Variants in KIF13B observed in about 807,000 individuals in gnomAD.
KIF13B encodes kinesin family member 13B.
Under a neutral mutation model 222.0 loss-of-function variants are expected in KIF13B, and 127 were observed. The observed-to-expected ratio is 0.57, with a 90% confidence interval of 0.50 to 0.66. KIF13B has a LOEUF of 0.66. Among genes scored for constraint, KIF13B ranks in the 30% least tolerant of loss-of-function variants. The probability of loss-of-function intolerance (pLI) is 0.00; values close to 1 mark genes in which losing one functional copy is unlikely to be tolerated. For missense variants in KIF13B, 2,173 were observed against 2,379.0 expected, an observed-to-expected ratio of 0.91 and a Z score of 1.80; for synonymous variants, 976 against 919.0, an observed-to-expected ratio of 1.06 and a Z score of -1.12.
At chr8:29,179,681 G>A (rs945716883) in intron 8 of KIF13B, among the ~76,000 whole-genome samples, 1 of 152,176 alleles carries the variant, frequency 6.6e-6, no homozygotes, top group Non-Finnish European at 1.5e-5. Flanking sequence ...GCGGGACTGG[G>A]GAAATGCAAG....
chr8:29,198,553 T>A (rs191116414), intron 2 of KIF13B, among the ~76,000 whole-genome samples: 2,101 of 152,150 alleles, frequency 0.014, 60 homozygotes, highest in Admixed American at 0.067. Context: ...GAACTCTTGA[T>A]CTCAAGTGAT....
Position 29,177,476 on chromosome 8 carries a change from T to C in KIF13B, c.823A>G (p.Asn275Asp). The C allele has an allele frequency of 3.1e-6, 5 of 1,606,226 alleles. No homozygotes were observed. Among genetic ancestry groups the C allele is most frequent in the Non-Finnish European group, 4.3e-6 (5 of 1,172,772 alleles). ...AAGDRLKEGS[N>D]INKSLTTLGL... ...TTTGAGAGCACTTACTTGTTAATGTTGCTCCCTTCCTTCAGCCTGTCCCCT... is the reference window on the plus strand; with the variant it reads ...TTTGAGAGCACTTACTTGTTAATGTCGCTCCCTTCCTTCAGCCTGTCCCCT... Residue 275 changes from asparagine to aspartate, a missense_variant, in exon 9 of 40, where the codon AAC (asparagine) becomes GAC (aspartate). By Grantham distance (23) the Asn-to-Asp change is conservative. Transcript: ENST00000524189.
At chr8:29,114,624 AAAG>A (rs1408367156) in intron 31 of KIF13B, among the ~76,000 whole-genome samples, 2 of 152,224 alleles carry the variant, frequency 1.3e-5, no homozygotes, top group African/African-American at 4.8e-5. Context: ...TTCTTGTTAT[AAAG>A]AAGAGAGCCT....
chr8:29,105,122 T>C (rs1262523260), intron 35 of KIF13B, among the ~76,000 whole-genome samples: 2 of 152,040 alleles, frequency 1.3e-5, no homozygotes, highest in Non-Finnish European at 2.9e-5. Context: ...ATAAGCCATA[T>C]TGCCTCGCTA....
Position 29,263,004 on chromosome 8 carries a change from G to A in KIF13B, c.31C>T (p.Arg11Trp), listed in dbSNP as rs373241482. The A allele has an allele frequency of 6.3e-7, 1 of 1,597,834 alleles. No individual in the cohort carries two copies. The highest frequency in any genetic ancestry group is 8.5e-7 in the Non-Finnish European group (1 of 1,173,220). The change falls in exon 1 of 40, where the codon CGG becomes TGG. Residue 11 changes from arginine to tryptophan, a missense_variant. Arg to Trp is a moderately radical substitution (Grantham distance 101). This residue lies in a region of KIF13B where 1,480 missense variants were observed against 1,722.8 expected (regional missense o/e 0.86). Transcript: ENST00000524189. MGDSKVKVAV[R>W]IRPMNRRETD... ...CCTCGCCGGTTCATGGGTCGTATCC[G>A]CACCGCCACTTTCACTTTGGAGTCC...
At chr8:29,126,394 TA>T in intron 26 of KIF13B, 87 bp downstream of exon 26, 1 of 874,008 alleles carries the variant, frequency 1.1e-6, no homozygotes, top group Non-Finnish European at 1.8e-6. Context: ...GTTTAATCCT[TA>T]AATAACAGTA....
At chr8:29,122,451 C>A in intron 29 of KIF13B, 140 bp downstream of exon 29, 1 of 674,844 alleles carries the variant, frequency 1.5e-6, no homozygotes, top group Non-Finnish European at 2.7e-6. Flanking sequence ...CGTCTGCAAC[C>A]AGGAGACATG....
chr8:29,220,327 TAAACTGGCA>T (rs766559108), intron 2 of KIF13B, among the ~76,000 whole-genome samples: 3 of 152,202 alleles, frequency 2.0e-5, no homozygotes, highest in Non-Finnish European at 4.4e-5. Context: ...TACGGGGCTG[TAAACTGGCA>T]TGGAAATTTA....
chr8:29,146,345 A>ATCTTTGTTT (rs1451959127), intron 18 of KIF13B, 33 bp downstream of exon 18: 2 of 1,610,036 alleles, frequency 1.2e-6, no homozygotes, highest in African/African-American at 1.3e-5. Context: ...ATCCAATGAG[A>ATCTTTGTTT]TCTTTGTTTT....
At chr8:29,250,032 A>G (rs1295171887) in intron 1 of KIF13B, 2 of 1,289,060 alleles carry the variant, frequency 1.6e-6, no homozygotes, top group Non-Finnish European at 2.0e-6. Context: ...TCTTAAAACC[A>G]CTGCTTAATG....
chr8:29,099,667 C>T (rs929176101), intron 35 of KIF13B, among the ~76,000 whole-genome samples: 1 of 152,096 alleles, frequency 6.6e-6, no homozygotes, highest in Admixed American at 6.5e-5. Flanking sequence ...CCACCATGCC[C>T]GATCAGCACT....
intron 25 of KIF13B, among the ~76,000 whole-genome samples, chr8:29,126,775 G>A (rs1433374327): frequency 1.3e-5 from 2 of 152,090 alleles, no homozygotes; most frequent in Non-Finnish European, 2.9e-5. Flanking sequence ...AGTCCCACTC[G>A]CCAGGGGAAA....
At chr8:29,111,227 TC>T (rs1482175759) in intron 32 of KIF13B, among the ~76,000 whole-genome samples, 2 of 152,230 alleles carry the variant, frequency 1.3e-5, no homozygotes, top group Non-Finnish European at 2.9e-5. Flanking sequence ...AACTTAGGTC[TC>T]CCGTCTCCTG....
chr8:29,136,885 C>T (rs1265987793), intron 21 of KIF13B, among the ~76,000 whole-genome samples: 3 of 150,438 alleles, frequency 2.0e-5, no homozygotes, highest in Admixed American at 6.6e-5. Flanking sequence ...CTGCAAGCTC[C>T]ACCTCCCAAG....
At chr8:29,103,259 A>C (rs1361048391) in intron 35 of KIF13B, among the ~76,000 whole-genome samples, 13 of 149,646 alleles carry the variant, frequency 8.7e-5, no homozygotes, top group Non-Finnish European at 1.3e-4. Context: ...AAAAAAAAAA[A>C]CAAGTAAAAC....
At position 29,236,727 on chromosome 8, in the gene KIF13B, T is replaced by C. The variant is rs1262438927; in HGVS notation, c.149+8619A>G. ...TTTACCATCTATAAAATACCTGTGC[T>C]TTTTAAAAGAACTCTGTGGAAGAAG... On this transcript the variant is annotated intron_variant, in intron 2 of 39. Coordinates refer to ENST00000524189, the MANE Select transcript of KIF13B (RefSeq NM_015254.4). Among the ~76,000 whole-genome samples, 4 of 152,166 alleles carry C rather than the reference T, an allele frequency of 2.6e-5. No homozygotes were observed. In the East Asian group the frequency reaches 5.8e-4, roughly 22 times the overall value.
intron 30 of KIF13B, among the ~76,000 whole-genome samples, chr8:29,118,605 A>G (rs1809712288): frequency 6.6e-6 from 1 of 152,156 alleles, no homozygotes; most frequent in Non-Finnish European, 1.5e-5. Context: ...TGAGGAACAG[A>G]GAGAGCCTCA....
In KIF13B at chr8:29,068,864, G is replaced by C. The variant is rs1047422245; in HGVS notation, c.*1640C>G. On this transcript the variant is annotated 3_prime_UTR_variant, in exon 40 of 40. Transcript: ENST00000524189. The surrounding 1 kb of genome is among the most constrained non-coding windows in gnomAD (Gnocchi z 4.4). The stretch of plus-strand genomic sequence containing the variant: ...TTCATCCAGGGACAGGTGCCACAGG[G>C]TTCCCTCAAAATCGGCTAAGGACAG... 6.6e-6 allele frequency: 1 copy of C among 152,338 alleles called. No individual in the cohort carries two copies. Among genetic ancestry groups the C allele is most frequent in the Admixed American group, 6.5e-5 (1 of 15,292 alleles). 9.4% of individuals were successfully genotyped at this position (152,338 alleles called of 1,614,324 possible).
chr8:29,152,746 G>A (rs1014799550), intron 14 of KIF13B, among the ~76,000 whole-genome samples: 2 of 152,094 alleles, frequency 1.3e-5, no homozygotes, highest in Non-Finnish European at 2.9e-5. Flanking sequence ...CGAGTAGCTG[G>A]GATTATTGGC....
Sources: allele counts gnomAD v4.1 joint callset (sites outside exome capture counted in the v4.1 genomes callset), GRCh38; gene constraint gnomAD v4.1.1; regional missense constraint gnomAD v4.1.1; non-coding constraint Gnocchi (gnomAD v3.1); transcripts MANE v1.5; gene names NCBI Gene and HGNC (gene_info 2026-07-23, HGNC 2026-07-21).